The following CNTNAP5 variants were observed in gnomAD, a reference collection of about 807,000 sequenced individuals.
CNTNAP5 encodes the protein contactin-associated protein-like 5.
A neutral mutation model predicts 150.2 loss-of-function variants in CNTNAP5; 72 were observed. The ratio of observed to expected loss-of-function variants is 0.48; its 90% confidence interval spans 0.40 to 0.58. The LOEUF is 0.58. CNTNAP5 is among the 20% of genes least tolerant of loss of function. CNTNAP5 has a pLI of 0.00. For missense variants in CNTNAP5, 1,636 were observed against 1,626.2 expected, an observed-to-expected ratio of 1.01 and a Z score of -0.10; for synonymous variants, 672 against 619.8, an observed-to-expected ratio of 1.08 and a Z score of -1.25.
chr2:124,408,609 C>G (rs1313750504), intron 3 of CNTNAP5, among the ~76,000 whole-genome samples: 1 of 151,866 alleles, frequency 6.6e-6, no homozygotes, highest in East Asian at 1.9e-4. Context: ...GGGAGGCACC[C>G]CCCAGCAGGG....
chr2:124,147,923 C>T (rs1684293976), intron 1 of CNTNAP5, among the ~76,000 whole-genome samples: 1 of 152,100 alleles, frequency 6.6e-6, no homozygotes, highest in Non-Finnish European at 1.5e-5. Context: ...TCTGAGATGC[C>T]GAATAAAGCC....
rs1471392745 is a variant in CNTNAP5 at position 124,918,365 on chromosome 2, C to T, written c.*4077C>T. ...TTTCTGAACCTAACTGAAGTCTACCCTTCCATCAGTAATTGACTAAAAAAA... is the reference window on the plus strand; with the variant it reads ...TTTCTGAACCTAACTGAAGTCTACCTTTCCATCAGTAATTGACTAAAAAAA... On this transcript the variant is annotated 3_prime_UTR_variant, in exon 24 of 24. Coordinates refer to ENST00000682447, the MANE Select transcript of CNTNAP5 (RefSeq NM_001367498.1). Among the ~76,000 whole-genome samples the T allele has an allele frequency of 6.6e-6, 1 of 152,038 alleles. No homozygotes were observed. The highest frequency in any genetic ancestry group is 2.4e-5 in the African/African-American group (1 of 41,424).
chr2:124,307,303 T>A (rs575592527), intron 3 of CNTNAP5, among the ~76,000 whole-genome samples: 1 of 152,302 alleles, frequency 6.6e-6, no homozygotes, highest in South Asian at 2.1e-4. Context: ...GACACAATCC[T>A]ATCATGGTGC....
intron 19 of CNTNAP5, among the ~76,000 whole-genome samples, chr2:124,838,852 T>C (rs1478946777): frequency 6.6e-6 from 1 of 152,144 alleles, no homozygotes; most frequent in Non-Finnish European, 1.5e-5. Context: ...CTTATTTCCT[T>C]AATGAGATTA....
chr2:124,616,921 GC>G (rs1677504943), intron 12 of CNTNAP5, among the ~76,000 whole-genome samples: 1 of 152,014 alleles, frequency 6.6e-6, no homozygotes, highest in African/African-American at 2.4e-5. Context: ...AGTTCATGAT[GC>G]CCCAAAACAA....
chr2:124,188,728 A>G (rs1253262598), intron 1 of CNTNAP5, among the ~76,000 whole-genome samples: 1 of 150,832 alleles, frequency 6.6e-6, no homozygotes, highest in East Asian at 1.9e-4. Context: ...AAAAAAAAAA[A>G]AAAAAAAAAA....
chr2:124,810,056 T>C (rs1208367385), intron 19 of CNTNAP5, among the ~76,000 whole-genome samples: 3 of 152,232 alleles, frequency 2.0e-5, no homozygotes, highest in African/African-American at 7.2e-5. Flanking sequence ...ACTGGAATCC[T>C]ATGTTTAGTC....
At chr2:124,127,891 C>T (rs989336813) in intron 1 of CNTNAP5, among the ~76,000 whole-genome samples, 1 of 152,122 alleles carries the variant, frequency 6.6e-6, no homozygotes, top group African/African-American at 2.4e-5. Flanking sequence ...CTTCCTTACA[C>T]CTTATACAAA....
chr2:124,884,051 C>G (rs547824794), intron 21 of CNTNAP5, among the ~76,000 whole-genome samples: 2 of 152,098 alleles, frequency 1.3e-5, no homozygotes, highest in East Asian at 2.0e-4. Context: ...ATGTTCCACT[C>G]TGTGTGTATA....
Position 124,274,715 on chromosome 2 carries a change from G to A in CNTNAP5, c.381+32322G>A, listed in dbSNP as rs536838457. On this transcript the variant is annotated intron_variant, in intron 3 of 23. Transcript: ENST00000682447. ...ATAGCAGAAGTTTTCTTTTAGAGGT[G>A]GAATTTTTGCATTATAATAATATGT... Among the ~76,000 whole-genome samples the A allele has an allele frequency of 5.3e-5, 8 of 152,148 alleles. No homozygotes were observed. In the East Asian group the frequency reaches 1.6e-3, roughly 30 times the overall value.
intron 11 of CNTNAP5, among the ~76,000 whole-genome samples, chr2:124,606,041 A>G (rs1697099890): frequency 6.6e-6 from 1 of 152,086 alleles, no homozygotes. Flanking sequence ...GATATTTTAG[A>G]TAGTTGTTAG....
At chr2:124,304,876 G>C (rs1337386648) in intron 3 of CNTNAP5, among the ~76,000 whole-genome samples, 2 of 152,066 alleles carry the variant, frequency 1.3e-5, no homozygotes, top group African/African-American at 4.8e-5. Flanking sequence ...GTTCGCGGAG[G>C]GAATGCACAG....
At chr2:124,425,324 A>G (rs1011379982) in intron 4 of CNTNAP5, among the ~76,000 whole-genome samples, 1 of 152,234 alleles carries the variant, frequency 6.6e-6, no homozygotes, top group East Asian at 1.9e-4. Flanking sequence ...TCTAATTTTG[A>G]CATTGCTATT....
intron 3 of CNTNAP5, among the ~76,000 whole-genome samples, chr2:124,265,492 C>A (rs933127964): frequency 2.0e-5 from 3 of 152,114 alleles, no homozygotes; most frequent in African/African-American, 7.2e-5. Context: ...TCACACTAGC[C>A]ATTCTTAGAA....
chr2:124,509,430 T>C (rs966433299), intron 8 of CNTNAP5, among the ~76,000 whole-genome samples: 11 of 152,212 alleles, frequency 7.2e-5, no homozygotes, highest in Non-Finnish European at 1.5e-4. Context: ...GAAGACCTCA[T>C]TTCACTGTAA....
chr2:124,835,498 T>C (rs1682810858), intron 19 of CNTNAP5, among the ~76,000 whole-genome samples: 1 of 152,104 alleles, frequency 6.6e-6, no homozygotes, highest in Admixed American at 6.6e-5. Flanking sequence ...GCAGGGGCAG[T>C]TGCTTGGAAG....
rs1277303977 is a variant in CNTNAP5 at position 124,798,153 on chromosome 2, A to T, written c.3050A>T (p.Tyr1017Phe). The stretch of plus-strand genomic sequence containing the variant: ...GTTACTTACATGTTTCAAGAACCCT[A>T]TCCTGTGACCAAGAATATAAGCCTC... ...TSVTYMFQEPYPVTKNISLSS... is the reference protein window; with the variant it reads ...TSVTYMFQEPFPVTKNISLSS... Residue 1017 changes from tyrosine to phenylalanine, a missense_variant, in exon 19 of 24, where the codon TAT becomes TTT. Transcript: ENST00000682447. The T allele has an allele frequency of 6.2e-7, 1 of 1,613,594 alleles. No individual in the cohort carries two copies.
intron 3 of CNTNAP5, among the ~76,000 whole-genome samples, chr2:124,285,395 G>C (rs1008554981): frequency 6.6e-6 from 1 of 152,148 alleles, no homozygotes; most frequent in South Asian, 2.1e-4. Flanking sequence ...ACATTAAACA[G>C]GAGGAAACTA....
At chr2:124,243,879 C>A (rs1686948549) in intron 3 of CNTNAP5, among the ~76,000 whole-genome samples, 1 of 152,040 alleles carries the variant, frequency 6.6e-6, no homozygotes, top group Non-Finnish European at 1.5e-5. Flanking sequence ...TTGAGGTCCC[C>A]ATAAATTATT....
Sources: gnomAD v4.1 joint callset for allele counts (sites outside exome capture counted in the v4.1 genomes callset) on GRCh38, gnomAD v4.1.1 for gene constraint, MANE v1.5 for transcripts, NCBI Gene and HGNC (gene_info 2026-07-23, HGNC 2026-07-21) for gene names.